The following CALCRL variants were observed in gnomAD, a reference collection of about 807,000 sequenced individuals.
The protein encoded by CALCRL is calcitonin gene-related peptide type 1 receptor.
In CALCRL, 27 loss-of-function variants were observed where a neutral mutation model predicts 60.4. That is an observed-to-expected ratio of 0.45 (90% CI 0.33 to 0.62). The LOEUF is 0.62. Ranked by LOEUF, CALCRL falls within the 20% of genes least tolerant of loss-of-function variation. The pLI, the probability that CALCRL is intolerant of heterozygous loss-of-function variation, is 0.03. For missense variants in CALCRL, 424 were observed against 540.7 expected, an observed-to-expected ratio of 0.78 and a Z score of 2.14; for synonymous variants, 190 against 182.6, an observed-to-expected ratio of 1.04 and a Z score of -0.33.
intron 1 of CALCRL, among the ~76,000 whole-genome samples, chr2:187,400,690 T>G (rs1688851192): frequency 6.6e-6 from 1 of 151,540 alleles, no homozygotes; most frequent in African/African-American, 2.4e-5. Context: ...GAAATATTAT[T>G]TGGCAATAAA....
intron 14 of CALCRL, among the ~76,000 whole-genome samples, chr2:187,350,586 A>G (rs1351763411): frequency 6.6e-6 from 1 of 150,882 alleles, no homozygotes; most frequent in Non-Finnish European, 1.5e-5. Context: ...AATAATAATA[A>G]TATAAATAAA....
At chr2:187,399,616 A>C (rs1279237843) in intron 1 of CALCRL, among the ~76,000 whole-genome samples, 1 of 151,660 alleles carries the variant, frequency 6.6e-6, no homozygotes, top group Non-Finnish European at 1.5e-5. Context: ...ACTTATAGCT[A>C]GAATATACAA....
intron 1 of CALCRL, among the ~76,000 whole-genome samples, chr2:187,397,522 C>A (rs1043731744): frequency 1.3e-5 from 2 of 151,592 alleles, no homozygotes; most frequent in South Asian, 4.1e-4. Context: ...TAAAACCTCC[C>A]AAATTTTACT....
Position 187,359,252 on chromosome 2 carries a change from A to C in CALCRL, c.802T>G (p.Cys268Gly). 6.3e-7 allele frequency: 1 copy of C among 1,575,208 alleles called. No individual in the cohort carries two copies. Among genetic ancestry groups the C allele is most frequent in the Non-Finnish European group, 8.6e-7 (1 of 1,160,530 alleles). ...AAGCTTCTAGCAATGGCATGTATAC[A>C]AGCAGGAATCAGTGGAAATCCTGTA... is the stretch of plus-strand genomic sequence containing the variant. ...LGWGFPLIPACIHAIARSLYY... is the reference protein window; with the variant it reads ...LGWGFPLIPAGIHAIARSLYY... The change falls in exon 11 of 15, where the codon TGT (cysteine) becomes GGT (glycine). Residue 268 changes from cysteine (C) to glycine (G), a missense_variant. Cys to Gly is a radical substitution (Grantham distance 159, BLOSUM62 -3). Coordinates refer to ENST00000392370, the MANE Select transcript of CALCRL (RefSeq NM_005795.6).
rs1313045555 is a variant in CALCRL, at chr2:187,345,952, A to G, written c.*232T>C. On this transcript the variant is annotated 3_prime_UTR_variant, in exon 15 of 15. Transcript: ENST00000392370. ...GGTGATGTCAGGTTAGTAGCGTCAC[A>G]TCAGGCATAGTGGGAGTATTTACTG... 2.6e-6 allele frequency: 1 copy of G among 378,228 alleles called. No homozygotes were observed. The highest frequency in any genetic ancestry group is 4.3e-5 in the Admixed American group (1 of 23,308). 23.4% of individuals were successfully genotyped at this position (378,228 alleles called of 1,614,324 possible). A position where few individuals can be genotyped will look rare whatever the true frequency, so the allele number is the denominator to read the frequency against.
chr2:187,355,622 AT>A (rs1457285343), intron 12 of CALCRL, among the ~76,000 whole-genome samples: 1 of 152,094 alleles, frequency 6.6e-6, no homozygotes, highest in Non-Finnish European at 1.5e-5. Context: ...TACATGAAAA[AT>A]ATCACATACA....
chr2:187,396,898 C>A (rs187537592), intron 1 of CALCRL, among the ~76,000 whole-genome samples: 53 of 151,678 alleles, frequency 3.5e-4, no homozygotes, highest in African/African-American at 1.3e-3. Flanking sequence ...TAATAATTCA[C>A]ATAATGAAGG....
rs13391909 is a variant in CALCRL, at chr2:187,385,548, A to T, written c.48T>A (p.Phe16Leu). 7.4e-3 allele frequency: 10,714 copies of T among 1,438,808 alleles called. 639 individuals are homozygous for T. The African/African-American group carries it at 0.13, about 18-fold the overall frequency. 89.1% of individuals were successfully genotyped at this position (1,438,808 alleles called of 1,614,324 possible). A position where few individuals can be genotyped will look rare whatever the true frequency, so the allele number is the denominator to read the frequency against. ...TLYFLVLLPF[F>L]MILVTAELEE... ...TCATATATATTTTTATGCTTACCATAAAAAAAGGCAAGAGAACCAGAAAAT... is the reference window on the plus strand; with the variant it reads ...TCATATATATTTTTATGCTTACCATTAAAAAAGGCAAGAGAACCAGAAAAT... Residue 16 changes from phenylalanine (F) to leucine (L), a missense_variant, in exon 4 of 15, where the codon TTT becomes TTA. By Grantham distance (22) the Phe-to-Leu change is conservative (BLOSUM62 0). Coordinates refer to ENST00000392370, the MANE Select transcript of CALCRL (RefSeq NM_005795.6).
chr2:187,385,673 T>C (rs1276647944), intron 3 of CALCRL, 42 bp from the exon 4 acceptor site: 2 of 963,280 alleles, frequency 2.1e-6, no homozygotes, highest in East Asian at 2.7e-5. Flanking sequence ...TCAATATTTA[T>C]GAAATAAATG....
Position 187,380,555 on chromosome 2 carries a change from T to G in CALCRL, c.320A>C (p.Gln107Pro). Reference sequence around the variant, plus strand: ...TGGATGTCTAAACCAGTTTCCATCTTGGTCACAGATCTTTGTAACTTTTTC... The same window carrying G: ...TGGATGTCTAAACCAGTTTCCATCTGGGTCACAGATCTTTGTAACTTTTTC... ...PSEKVTKICDQDGNWFRHPAS... is the reference protein window; with the variant it reads ...PSEKVTKICDPDGNWFRHPAS... The change falls in exon 7 of 15, where the codon CAA becomes CCA. Residue 107 changes from glutamine to proline, a missense_variant. Gln to Pro is a moderately conservative substitution (Grantham distance 76, BLOSUM62 -1). This residue lies in a region of CALCRL where 108 missense variants were observed against 132.9 expected (regional missense o/e 0.81). Transcript: ENST00000392370. The G allele has an allele frequency of 2.5e-6, 4 of 1,613,170 alleles. No homozygotes were observed. Among genetic ancestry groups the G allele is most frequent in the Non-Finnish European group, 2.5e-6 (3 of 1,179,224 alleles).
intron 1 of CALCRL, among the ~76,000 whole-genome samples, chr2:187,419,065 G>A (rs1316934213): frequency 1.4e-5 from 2 of 143,726 alleles, no homozygotes; most frequent in East Asian, 2.0e-4. Context: ...TAGTAGAGAC[G>A]GGTTTCACCA....
At chr2:187,430,785 T>C (rs527809096) in intron 1 of CALCRL, among the ~76,000 whole-genome samples, 35 of 152,242 alleles carry the variant, frequency 2.3e-4, no homozygotes, top group Middle Eastern at 3.4e-3. Flanking sequence ...AATATAACAG[T>C]GACAATGTGA....
chr2:187,400,569 G>A (rs1688846818), intron 1 of CALCRL, among the ~76,000 whole-genome samples: 1 of 150,924 alleles, frequency 6.6e-6, no homozygotes, highest in Non-Finnish European at 1.5e-5. Flanking sequence ...CCAAACAAAC[G>A]CTTGCACACG....
At chr2:187,355,911 GA>G (rs1467122909) in intron 12 of CALCRL, among the ~76,000 whole-genome samples, 1 of 152,178 alleles carries the variant, frequency 6.6e-6, no homozygotes, top group Non-Finnish European at 1.5e-5. Context: ...ATGCTACAAA[GA>G]GAATAAAATA....
intron 1 of CALCRL, among the ~76,000 whole-genome samples, chr2:187,414,293 A>G (rs1401494558): frequency 6.6e-6 from 1 of 152,130 alleles, no homozygotes; most frequent in East Asian, 1.9e-4. Context: ...TGCCTAAGAA[A>G]GTTAATTTGC....
intron 1 of CALCRL, among the ~76,000 whole-genome samples, chr2:187,435,860 T>TTGTG (rs1490886484): frequency 1.4e-5 from 1 of 72,946 alleles, no homozygotes; most frequent in African/African-American, 4.6e-5. Flanking sequence ...GTGTGTGTGT[T>TTGTG]TGTGCGTGCG....
intron 1 of CALCRL, among the ~76,000 whole-genome samples, chr2:187,410,690 A>G (rs1034515437): frequency 5.3e-5 from 8 of 152,166 alleles, no homozygotes; most frequent in African/African-American, 1.9e-4. Flanking sequence ...GGTGGGTGTA[A>G]CATCAGTTCC....
rs376881358 is a variant in CALCRL at position 187,373,788 on chromosome 2, G to A, written c.500+5152C>T. ...TTTTAATATGTATAACTGAGGATTA[G>A]AAAAATGAAAGAACATGTTCCACGC... On this transcript the variant is annotated intron_variant, in intron 8 of 14. Transcript: ENST00000392370. Among the ~76,000 whole-genome samples the A allele has an allele frequency of 7.6e-4, 115 of 152,262 alleles. 1 individual carries two copies. The South Asian group carries it at 0.023, about 31-fold the overall frequency.
intron 1 of CALCRL, among the ~76,000 whole-genome samples, chr2:187,437,003 A>G (rs545399242): frequency 6.6e-6 from 1 of 152,236 alleles, no homozygotes; most frequent in Admixed American, 6.5e-5. Flanking sequence ...TCTATTCTTT[A>G]GTTGAGAATT....
Sources: gnomAD v4.1 joint callset for allele counts (sites outside exome capture counted in the v4.1 genomes callset) on GRCh38, gnomAD v4.1.1 for gene constraint, gnomAD v4.1.1 regional missense constraint, MANE v1.5 for transcripts, NCBI Gene and HGNC (gene_info 2026-07-23, HGNC 2026-07-21) for gene names.